CSMD1: variants seen among roughly 807,000 people sequenced by gnomAD.
The protein encoded by CSMD1 is CUB and Sushi multiple domains 1, also known as CUB and sushi domain-containing protein 1.
Under a neutral mutation model 417.5 loss-of-function variants are expected in CSMD1, and 213 were observed. That is an observed-to-expected ratio of 0.51 (90% CI 0.46 to 0.57). The LOEUF is 0.57. Ranked by LOEUF, CSMD1 falls within the 20% of genes least tolerant of loss-of-function variation. The pLI, the probability that CSMD1 is intolerant of heterozygous loss-of-function variation, is 0.00. For synonymous variants in CSMD1, 2,862 were observed against 1,736.8 expected, an observed-to-expected ratio of 1.65 and a Z score of -16.11; for missense variants, 6,923 against 4,529.7, an observed-to-expected ratio of 1.53 and a Z score of -15.17.
chr8:3,670,577 G>C (rs565316983), intron 7 of CSMD1, among the ~76,000 whole-genome samples: 2 of 138,916 alleles, frequency 1.4e-5, no homozygotes, highest in African/African-American at 5.7e-5. Context: ...TATATATATG[G>C]GATATATATG....
chr8:4,096,433 C>T (rs1189149568), intron 3 of CSMD1, among the ~76,000 whole-genome samples: 1 of 152,088 alleles, frequency 6.6e-6, no homozygotes, highest in Non-Finnish European at 1.5e-5. Flanking sequence ...AGGAAAAATG[C>T]AAACCAGATG....
chr8:3,495,239 C>T (rs1038778695), intron 10 of CSMD1, among the ~76,000 whole-genome samples: 1 of 152,142 alleles, frequency 6.6e-6, no homozygotes, highest in Non-Finnish European at 1.5e-5. Flanking sequence ...TTATAAGTGA[C>T]CATCATCTGA....
intron 7 of CSMD1, among the ~76,000 whole-genome samples, chr8:3,674,495 T>C (rs929311885): frequency 6.6e-6 from 1 of 152,180 alleles, no homozygotes; most frequent in African/African-American, 2.4e-5. Context: ...CTTAAAAGTA[T>C]TGGACAGTAT....
intron 5 of CSMD1, among the ~76,000 whole-genome samples, chr8:3,861,343 C>T (rs867937633): frequency 2.0e-5 from 3 of 152,224 alleles, no homozygotes; most frequent in Admixed American, 6.5e-5. Flanking sequence ...CCGGGCTCCA[C>T]AACTCTGATA....
chr8:4,945,650 T>A (rs1808315592), intron 1 of CSMD1, among the ~76,000 whole-genome samples: 1 of 152,106 alleles, frequency 6.6e-6, no homozygotes. Context: ...ATATTTGAAT[T>A]AGTTTTGGGA....
intron 2 of CSMD1, among the ~76,000 whole-genome samples, chr8:4,489,895 A>G (rs184620811): frequency 6.6e-6 from 1 of 152,314 alleles, no homozygotes; most frequent in Admixed American, 6.5e-5. Flanking sequence ...CGACCCACAG[A>G]CACCGTGAGA....
chr8:3,398,420 A>AAAAAAT (rs1811830045), intron 16 of CSMD1, among the ~76,000 whole-genome samples: 1 of 152,224 alleles, frequency 6.6e-6, no homozygotes, highest in Non-Finnish European at 1.5e-5. Flanking sequence ...GAAGCAAGTG[A>AAAAAAT]AAAAATAAAA....
intron 63 of CSMD1, 72 bp from the exon 64 acceptor site, chr8:2,955,840 A>C (rs1802964408): frequency 2.2e-6 from 3 of 1,367,910 alleles, no homozygotes; most frequent in Admixed American, 4.0e-5. Context: ...AGAAATTAAT[A>C]GATTAAAATA....
At position 3,642,940 on chromosome 8, in the gene CSMD1, TTAAAA is replaced by T. The variant is rs1413678424; in HGVS notation, c.1010-26148_1010-26144del. On this transcript the variant is annotated intron_variant, in intron 7 of 69. Coordinates refer to ENST00000635120, the MANE Select transcript of CSMD1 (RefSeq NM_033225.6). Reference sequence around the variant, plus strand: ...TTTCTGAAGATAAAACCACTAATAGTTAAAATAAAAAAATACAAATTAGGAAATTC... The same window carrying T: ...TTTCTGAAGATAAAACCACTAATAGTTAAAAAAATACAAATTAGGAAATTC... Among the ~76,000 whole-genome samples, 4 of 151,494 alleles carry T rather than the reference TTAAAA, an allele frequency of 2.6e-5. No individual in the cohort carries two copies. In the East Asian group the frequency reaches 7.8e-4, roughly 29 times the overall value.
chr8:4,471,172 G>A (rs960584896), intron 2 of CSMD1, among the ~76,000 whole-genome samples: 3 of 152,028 alleles, frequency 2.0e-5, no homozygotes, highest in African/African-American at 7.2e-5. Flanking sequence ...GGCCTTACTG[G>A]ATTTAATTCC....
intron 18 of CSMD1, among the ~76,000 whole-genome samples, chr8:3,386,397 C>T (rs1811005735): frequency 6.6e-6 from 1 of 152,146 alleles, no homozygotes; most frequent in African/African-American, 2.4e-5. Flanking sequence ...CTGGTTCGCA[C>T]ACTTCCCACA....
At chr8:4,359,400 A>G (rs1346129005) in intron 3 of CSMD1, among the ~76,000 whole-genome samples, 1 of 152,246 alleles carries the variant, frequency 6.6e-6, no homozygotes, top group African/African-American at 2.4e-5. Context: ...ACAATAACAT[A>G]TTAACTAGAG....
chr8:3,848,621 G>C (rs1379832503), intron 5 of CSMD1, among the ~76,000 whole-genome samples: 1 of 152,134 alleles, frequency 6.6e-6, no homozygotes, highest in East Asian at 1.9e-4. Context: ...CTGTTCTAAA[G>C]TGCAGAGAAT....
At chr8:3,958,396 G>A (rs141626302) in intron 5 of CSMD1, among the ~76,000 whole-genome samples, 1 of 151,352 alleles carries the variant, frequency 6.6e-6, no homozygotes, top group Non-Finnish European at 1.5e-5. Flanking sequence ...AACCAAAAAG[G>A]AGGCAGAAAA....
chr8:4,612,351 G>GAA (rs5889046), intron 2 of CSMD1, among the ~76,000 whole-genome samples: 3 of 151,464 alleles, frequency 2.0e-5, no homozygotes, highest in African/African-American at 4.9e-5. Flanking sequence ...TTTCAGAATT[G>GAA]AAAAAAAACA....
chr8:4,196,831 G>A (rs369297559), intron 3 of CSMD1, among the ~76,000 whole-genome samples: 1 of 152,048 alleles, frequency 6.6e-6, no homozygotes, highest in African/African-American at 2.4e-5. Context: ...ACACACTGGG[G>A]GTGATATTTA....
chr8:3,439,053 G>A (rs550099570), intron 12 of CSMD1, among the ~76,000 whole-genome samples: 11 of 142,282 alleles, frequency 7.7e-5, no homozygotes, highest in Non-Finnish European at 1.5e-4. Context: ...AATCTGGGAG[G>A]TGGAGGTTGC....
At chr8:3,415,484 C>A (rs565936813) in intron 12 of CSMD1, among the ~76,000 whole-genome samples, 1 of 152,278 alleles carries the variant, frequency 6.6e-6, no homozygotes, top group African/African-American at 2.4e-5. Context: ...CAGCCTCCTG[C>A]ATATCTGGGA....
chr8:4,937,823 A>G (rs561925235), intron 1 of CSMD1, among the ~76,000 whole-genome samples: 2 of 152,278 alleles, frequency 1.3e-5, no homozygotes, highest in East Asian at 3.9e-4. Flanking sequence ...AAGTGTCAGA[A>G]TTTTAATCAC....
Sources: allele counts gnomAD v4.1 joint callset (sites outside exome capture counted in the v4.1 genomes callset), GRCh38; gene constraint gnomAD v4.1.1; transcripts MANE v1.5; gene names NCBI Gene and HGNC (gene_info 2026-07-23, HGNC 2026-07-21).